MYO3A: variants seen among roughly 807,000 people sequenced by gnomAD.
The protein encoded by MYO3A is myosin-IIIa.
Under a neutral mutation model 192.7 loss-of-function variants are expected in MYO3A, and 180 were observed. The observed-to-expected ratio is 0.93, with a 90% confidence interval of 0.83 to 1.06. The LOEUF is 1.06. Ranked by LOEUF, MYO3A falls within the 50% of genes least tolerant of loss-of-function variation. MYO3A has a pLI of 0.00. For missense variants in MYO3A, 1,896 were observed against 1,905.0 expected (o/e 1.00, Z 0.09); for synonymous variants, 628 against 645.3 (o/e 0.97, Z 0.41).
chr10:26,174,608 C>A, intron 30 of MYO3A, 51 bp downstream of exon 30: 1 of 1,454,804 alleles, frequency 6.9e-7, no homozygotes, highest in Non-Finnish European at 9.6e-7. Flanking sequence ...GGGAACTATA[C>A]AATAACTGAA....
intron 6 of MYO3A, among the ~76,000 whole-genome samples, chr10:26,002,185 A>G (rs1840870717): frequency 6.6e-6 from 1 of 152,244 alleles, no homozygotes; most frequent in Non-Finnish European, 1.5e-5. Context: ...CTAAGAGTAG[A>G]TTCTGAATTT....
intron 8 of MYO3A, among the ~76,000 whole-genome samples, chr10:26,023,815 T>C (rs1193624268): frequency 2.0e-5 from 3 of 152,226 alleles, no homozygotes; most frequent in Non-Finnish European, 4.4e-5. Flanking sequence ...TCAGGTCATA[T>C]GTTAAGTGCT....
intron 17 of MYO3A, among the ~76,000 whole-genome samples, chr10:26,118,626 CA>C (rs894882600): frequency 6.6e-6 from 1 of 151,438 alleles, no homozygotes; most frequent in Non-Finnish European, 1.5e-5. Flanking sequence ...GCACATAAAT[CA>C]AAGCTTTTTT....
chr10:25,947,853 A>G (rs561897971), intron 2 of MYO3A, among the ~76,000 whole-genome samples: 4 of 152,344 alleles, frequency 2.6e-5, no homozygotes, highest in African/African-American at 7.2e-5. Flanking sequence ...TCTTTGAAGT[A>G]CATCAGTGAA....
intron 10 of MYO3A, among the ~76,000 whole-genome samples, chr10:26,064,489 A>G (rs1834693570): frequency 6.6e-6 from 1 of 152,172 alleles, no homozygotes. Context: ...AAGGCATTGG[A>G]TATTCCTTTG....
chr10:26,067,197 C>G, intron 11 of MYO3A, 123 bp downstream of exon 11: 1 of 684,320 alleles, frequency 1.5e-6, no homozygotes, highest in Admixed American at 2.1e-5. Context: ...AATCTTAACA[C>G]TCACTCTGCC....
rs1564651452 is a variant in MYO3A at position 26,212,393 on chromosome 10, C to T, written c.*430C>T. 2 of 317,122 alleles carry T rather than the reference C, an allele frequency of 6.3e-6. No individual in the cohort carries two copies. The highest frequency in any genetic ancestry group is 1.1e-5 in the Non-Finnish European group (2 of 175,600). 19.6% of individuals were successfully genotyped at this position (317,122 alleles called of 1,614,324 possible). ...AAACGGCTTTTCTTGGCCAACAGAA[C>T]ACTTGCTAGCGGTTGAATCTTAGAG... is the stretch of plus-strand genomic sequence containing the variant. On this transcript the variant is annotated 3_prime_UTR_variant, in exon 35 of 35. Coordinates refer to ENST00000642920, the MANE Select transcript of MYO3A (RefSeq NM_017433.5).
At chr10:25,985,067 G>A (rs1053960528) in intron 4 of MYO3A, among the ~76,000 whole-genome samples, 10 of 151,760 alleles carry the variant, frequency 6.6e-5, no homozygotes, top group African/African-American at 1.5e-4. Flanking sequence ...GTGAAACCAC[G>A]TTTCTACTAA....
At chr10:25,972,391 A>G (rs902609094) in intron 4 of MYO3A, among the ~76,000 whole-genome samples, 10 of 151,976 alleles carry the variant, frequency 6.6e-5, no homozygotes, top group Admixed American at 5.2e-4. Flanking sequence ...AAACATATTT[A>G]TATCTTTGCT....
intron 6 of MYO3A, among the ~76,000 whole-genome samples, chr10:26,001,626 C>T (rs1320961541): frequency 1.3e-5 from 2 of 152,114 alleles, no homozygotes; most frequent in Admixed American, 1.3e-4. Context: ...GCATATGGCC[C>T]CTTAAACTAG....
intron 33 of MYO3A, among the ~76,000 whole-genome samples, chr10:26,201,558 C>T (rs909239099): frequency 6.6e-6 from 1 of 151,454 alleles, no homozygotes; most frequent in Non-Finnish European, 1.5e-5. Flanking sequence ...TAGTGGCAGG[C>T]GCCTGTAGTC....
At chr10:26,025,240 A>G (rs1285614452) in intron 9 of MYO3A, among the ~76,000 whole-genome samples, 1 of 152,200 alleles carries the variant, frequency 6.6e-6, no homozygotes, top group African/African-American at 2.4e-5. Flanking sequence ...GTTAAGCTCA[A>G]TGAAATAAAT....
intron 32 of MYO3A, among the ~76,000 whole-genome samples, chr10:26,197,373 C>G (rs1344552394): frequency 1.3e-5 from 2 of 152,118 alleles, no homozygotes; most frequent in Admixed American, 6.5e-5. Context: ...AAGTTTCAAA[C>G]TTTAAGACCA....
intron 25 of MYO3A, 28 bp from the exon 26 acceptor site, chr10:26,157,282 G>A (rs1564605669): frequency 1.2e-6 from 2 of 1,605,022 alleles, no homozygotes; most frequent in Non-Finnish European, 8.5e-7. Flanking sequence ...TGCTACATTG[G>A]GAAATTTATT....
intron 27 of MYO3A, among the ~76,000 whole-genome samples, chr10:26,167,472 C>G (rs1484518518): frequency 6.6e-6 from 1 of 152,144 alleles, no homozygotes; most frequent in Non-Finnish European, 1.5e-5. Flanking sequence ...GATTTATGGT[C>G]TGAAACACAT....
intron 22 of MYO3A, among the ~76,000 whole-genome samples, chr10:26,146,879 G>A (rs1161913944): frequency 7.2e-5 from 11 of 152,188 alleles, no homozygotes; most frequent in Admixed American, 5.2e-4. Context: ...TTGGGAGGCC[G>A]AGGTAGGAGG....
chr10:26,008,011 C>T (rs1387720464), intron 6 of MYO3A, among the ~76,000 whole-genome samples: 8 of 151,358 alleles, frequency 5.3e-5, no homozygotes, highest in East Asian at 1.9e-4. Context: ...ACGAAAACAG[C>T]GTGGTACTGG....
intron 20 of MYO3A, 93 bp from the exon 21 acceptor site, chr10:26,143,355 A>G: frequency 7.6e-7 from 1 of 1,312,224 alleles, no homozygotes; most frequent in East Asian, 2.5e-5. Context: ...CAAAGGGAGC[A>G]ATTTATTTTA....
intron 2 of MYO3A, among the ~76,000 whole-genome samples, chr10:25,943,245 C>G (rs530659121): frequency 6.6e-5 from 10 of 152,042 alleles, no homozygotes; most frequent in African/African-American, 2.4e-4. Flanking sequence ...CTATTTCACT[C>G]TATTTGTCTA....
Sources: gnomAD v4.1 joint callset for allele counts (sites outside exome capture counted in the v4.1 genomes callset) on GRCh38, gnomAD v4.1.1 for gene constraint, MANE v1.5 for transcripts, NCBI Gene and HGNC (gene_info 2026-07-23, HGNC 2026-07-21) for gene names.